Variants in KCNIP1 observed in about 807,000 individuals in gnomAD.
KCNIP1 encodes the protein A-type potassium channel modulatory protein KCNIP1.
In KCNIP1, 18 loss-of-function variants were observed where a neutral mutation model predicts 33.0. That is an observed-to-expected ratio of 0.55 (90% CI 0.38 to 0.81). KCNIP1 has a LOEUF of 0.81. KCNIP1 is among the 30% of genes least tolerant of loss of function. The probability of loss-of-function intolerance (pLI) is 0.00; values close to 1 mark genes in which losing one functional copy is unlikely to be tolerated. For missense variants in KCNIP1, 238 were observed against 271.6 expected (o/e 0.88, Z 0.87); for synonymous variants, 93 against 98.3 (o/e 0.95, Z 0.32).
chr5:170,721,518 G>A (rs1763823658), intron 3 of KCNIP1, among the ~76,000 whole-genome samples: 1 of 152,064 alleles, frequency 6.6e-6, no homozygotes, highest in Admixed American at 6.5e-5. Context: ...AGGCATTCAT[G>A]GCCGTTCAGA....
intron 1 of KCNIP1, among the ~76,000 whole-genome samples, chr5:170,533,188 A>AAT (rs1561672408): frequency 6.6e-6 from 1 of 150,912 alleles, no homozygotes; most frequent in African/African-American, 2.4e-5. Flanking sequence ...AGGGTCACTG[A>AAT]GTGTGTGTGT....
intron 1 of KCNIP1, among the ~76,000 whole-genome samples, chr5:170,419,375 C>A (rs556253874): frequency 3.3e-5 from 5 of 152,290 alleles, no homozygotes; most frequent in African/African-American, 1.2e-4. Flanking sequence ...TATTCCCTCC[C>A]GGTCCAATGC....
chr5:170,367,417 GA>G (rs1206667276), intron 1 of KCNIP1, among the ~76,000 whole-genome samples: 23 of 99,062 alleles, frequency 2.3e-4, no homozygotes, highest in Admixed American at 4.4e-4. Context: ...AAGAAAGAAA[GA>G]AAGGAAAGAA....
chr5:170,419,069 G>A (rs991514000), intron 1 of KCNIP1, among the ~76,000 whole-genome samples: 3 of 152,228 alleles, frequency 2.0e-5, no homozygotes, highest in Admixed American at 1.3e-4. Flanking sequence ...CAAAGTCTAC[G>A]TGGTTAGTGA....
At chr5:170,719,349 C>T (rs1403666445) in intron 2 of KCNIP1, among the ~76,000 whole-genome samples, 2 of 152,090 alleles carry the variant, frequency 1.3e-5, no homozygotes, top group African/African-American at 4.8e-5. Flanking sequence ...GGGACCCGCT[C>T]TCCTTGGAAG....
chr5:170,502,256 T>C (rs1214238642), upstream of KCNIP1, among the ~76,000 whole-genome samples: 1 of 152,180 alleles, frequency 6.6e-6, no homozygotes, highest in African/African-American at 2.4e-5. Flanking sequence ...GGAAGTATGT[T>C]AGTAAGTGCC....
intron 1 of KCNIP1, among the ~76,000 whole-genome samples, chr5:170,483,652 G>A (rs1183165133): frequency 6.6e-6 from 1 of 152,164 alleles, no homozygotes; most frequent in Non-Finnish European, 1.5e-5. Context: ...CTGCAAGTTA[G>A]TGGCTGCCTG....
chr5:170,405,534 C>G (rs915998964), intron 1 of KCNIP1, among the ~76,000 whole-genome samples: 1 of 152,198 alleles, frequency 6.6e-6, no homozygotes, highest in Admixed American at 6.5e-5. Context: ...GCAGCCTGGA[C>G]TCAGGCATCC....
At chr5:170,617,893 G>C (rs1759450485) in intron 1 of KCNIP1, among the ~76,000 whole-genome samples, 1 of 152,186 alleles carries the variant, frequency 6.6e-6, no homozygotes, top group Non-Finnish European at 1.5e-5. Context: ...CTTTTCCTTC[G>C]AGGTAGGTGA....
chr5:170,724,811 T>A (rs964723437), intron 5 of KCNIP1, among the ~76,000 whole-genome samples: 1 of 151,988 alleles, frequency 6.6e-6, no homozygotes, highest in Non-Finnish European at 1.5e-5. Flanking sequence ...ATTGCTGAAA[T>A]AAAGTAAAGA....
chr5:170,687,883 G>A (rs988716186), intron 1 of KCNIP1, among the ~76,000 whole-genome samples: 6 of 152,250 alleles, frequency 3.9e-5, no homozygotes, highest in African/African-American at 1.4e-4. Context: ...AACCACTTTC[G>A]CCAAAGACTG....
At chr5:170,691,408 G>T (rs1315622292) in intron 1 of KCNIP1, among the ~76,000 whole-genome samples, 6 of 152,148 alleles carry the variant, frequency 3.9e-5, no homozygotes, top group African/African-American at 1.2e-4. Context: ...GTATCATTCT[G>T]GTCAAAGACC....
chr5:170,374,767 T>C (rs969736875), intron 1 of KCNIP1: 63 of 152,208 alleles, frequency 4.1e-4, no homozygotes, highest in African/African-American at 1.4e-3. Flanking sequence ...TCTAACTCCA[T>C]CATGCCTAAA....
At chr5:170,358,244 C>T (rs1763399902) in intron 1 of KCNIP1, among the ~76,000 whole-genome samples, 2 of 152,196 alleles carry the variant, frequency 1.3e-5, no homozygotes, top group East Asian at 3.8e-4. Context: ...TTCTAGTGTC[C>T]TCCAGGCCAC....
chr5:170,567,976 G>C (rs544786899), intron 1 of KCNIP1, among the ~76,000 whole-genome samples: 5 of 152,196 alleles, frequency 3.3e-5, no homozygotes, highest in Admixed American at 2.6e-4. Context: ...TGTGGAGCAC[G>C]GGCTACGGAG....
At chr5:170,436,328 G>T (rs1391493942) in intron 1 of KCNIP1, among the ~76,000 whole-genome samples, 1 of 152,212 alleles carries the variant, frequency 6.6e-6, no homozygotes. Context: ...CAGTCAGGAG[G>T]CTACCCTGCA....
intron 1 of KCNIP1, among the ~76,000 whole-genome samples, chr5:170,401,799 C>A (rs1754911775): frequency 6.6e-6 from 1 of 152,034 alleles, no homozygotes; most frequent in Non-Finnish European, 1.5e-5. Context: ...TGAGTGCCTT[C>A]TTCATGCCAG....
intron 1 of KCNIP1, among the ~76,000 whole-genome samples, chr5:170,577,287 G>A (rs891650237): frequency 1.3e-5 from 2 of 152,206 alleles, no homozygotes; most frequent in Non-Finnish European, 2.9e-5. Context: ...GAAGGGAACT[G>A]AAGAACAACA....
chr5:170,418,313 C>T (rs1755386121), intron 1 of KCNIP1, among the ~76,000 whole-genome samples: 1 of 152,174 alleles, frequency 6.6e-6, no homozygotes, highest in Non-Finnish European at 1.5e-5. Flanking sequence ...CACCTGTAAT[C>T]CCAGCTACTG....
Sources: gnomAD v4.1 joint callset for allele counts (sites outside exome capture counted in the v4.1 genomes callset) on GRCh38, gnomAD v4.1.1 for gene constraint, MANE v1.5 for transcripts, NCBI Gene and HGNC (gene_info 2026-07-23, HGNC 2026-07-21) for gene names.